ARB2A: variants seen among roughly 807,000 people sequenced by gnomAD.
ARB2A encodes the protein ARB2 cotranscriptional regulator A, also known as cotranscriptional regulator ARB2A.
At chr5:93,822,888 G>C in the ARB2A span, among the ~76,000 whole-genome samples, 1 of 152,102 alleles carries the variant, frequency 6.6e-6, no homozygotes, top group African/African-American at 2.4e-5. Flanking sequence ...GACAGCAGAA[G>C]CACTTGTAGA....
the ARB2A span, among the ~76,000 whole-genome samples, chr5:93,633,297 TCA>T: frequency 6.6e-6 from 1 of 152,220 alleles, no homozygotes; most frequent in African/African-American, 2.4e-5. Context: ...GATTTTACTT[TCA>T]GTCTTCAGTC....
chr5:94,008,265 A>C, the ARB2A span, among the ~76,000 whole-genome samples: 2 of 152,226 alleles, frequency 1.3e-5, no homozygotes, highest in Non-Finnish European at 2.9e-5. Context: ...AAAAAGGATT[A>C]ACATGTTTAA....
the ARB2A span, among the ~76,000 whole-genome samples, chr5:93,759,054 A>G: frequency 3.3e-5 from 5 of 152,132 alleles, no homozygotes; most frequent in Admixed American, 3.3e-4. Flanking sequence ...ACTAAGAAAC[A>G]AAACAGGAGA....
the ARB2A span, chr5:94,053,093 A>G: frequency 8.4e-7 from 1 of 1,187,532 alleles, no homozygotes; most frequent in Non-Finnish European, 1.2e-6. Context: ...AGATAGATAG[A>G]TAGATAGATA....
chr5:93,875,665 T>G, the ARB2A span, among the ~76,000 whole-genome samples: 1 of 152,172 alleles, frequency 6.6e-6, no homozygotes, highest in African/African-American at 2.4e-5. Context: ...AAGCTTTAAG[T>G]TGATGTAGAG....
chr5:93,830,327 A>ATTTATATG, the ARB2A span, among the ~76,000 whole-genome samples: 5 of 131,658 alleles, frequency 3.8e-5, no homozygotes, highest in Non-Finnish European at 8.1e-5. Context: ...ATATATATAT[A>ATTTATATG]TATATATATA....
At chr5:93,816,539 G>C in the ARB2A span, among the ~76,000 whole-genome samples, 16 of 152,304 alleles carry the variant, frequency 1.1e-4, no homozygotes, top group African/African-American at 3.6e-4. Context: ...TCAGGAGACA[G>C]AGTGACCAAT....
At chr5:93,830,846 T>C in the ARB2A span, among the ~76,000 whole-genome samples, 34 of 152,200 alleles carry the variant, frequency 2.2e-4, no homozygotes, top group Middle Eastern at 3.4e-3. Flanking sequence ...TATTGTAATA[T>C]ATAATGACAT....
the ARB2A span, among the ~76,000 whole-genome samples, chr5:93,690,956 A>G: frequency 6.6e-6 from 1 of 151,984 alleles, no homozygotes; most frequent in Non-Finnish European, 1.5e-5. Flanking sequence ...GGGGCCTGTT[A>G]GAACAAACAG....
At chr5:93,734,492 C>T in the ARB2A span, 1 of 152,114 alleles carries the variant, frequency 6.6e-6, no homozygotes, top group Non-Finnish European at 1.5e-5. Context: ...AGAAAATGCA[C>T]ATATGTACAA....
chr5:93,672,533 C>A, the ARB2A span, among the ~76,000 whole-genome samples: 1 of 152,070 alleles, frequency 6.6e-6, no homozygotes, highest in Non-Finnish European at 1.5e-5. Context: ...TGGTCTCAAT[C>A]TCCTGACCTT....
the ARB2A span, among the ~76,000 whole-genome samples, chr5:93,650,702 A>C: frequency 6.6e-6 from 1 of 152,110 alleles, no homozygotes; most frequent in Non-Finnish European, 1.5e-5. Context: ...AAGAAAATCC[A>C]CAACTAGGCT....
At chr5:93,740,889 C>T in the ARB2A span, 1 of 1,614,016 alleles carries the variant, frequency 6.2e-7, no homozygotes, top group South Asian at 1.1e-5. Context: ...AGAATTTCTC[C>T]AGGCTGTTTC....
the ARB2A span, chr5:93,804,915 C>A: frequency 1.1e-6 from 1 of 951,416 alleles, no homozygotes; most frequent in Non-Finnish European, 1.3e-6. Context: ...GTTTAAGTAA[C>A]CAGAGATATA....
the ARB2A span, among the ~76,000 whole-genome samples, chr5:93,975,981 T>C: frequency 6.6e-6 from 1 of 151,950 alleles, no homozygotes; most frequent in Non-Finnish European, 1.5e-5. Context: ...CAGAGACCAA[T>C]CAATCCTCAA....
chr5:94,048,003 C>A, the ARB2A span, among the ~76,000 whole-genome samples: 5 of 141,362 alleles, frequency 3.5e-5, no homozygotes, highest in Admixed American at 3.6e-4. Context: ...ATTCTATAAT[C>A]AAAATACCAC....
chr5:93,889,295 C>G, the ARB2A span, among the ~76,000 whole-genome samples: 2 of 151,646 alleles, frequency 1.3e-5, no homozygotes, highest in Admixed American at 6.6e-5. Flanking sequence ...TGCGTGTGTG[C>G]ATGTTGTGTT....
the ARB2A span, among the ~76,000 whole-genome samples, chr5:93,670,933 A>G: frequency 6.6e-6 from 1 of 152,322 alleles, no homozygotes; most frequent in South Asian, 2.1e-4. Flanking sequence ...GAATTTTTAT[A>G]AAGTATAAGA....
chr5:94,110,903 A>C, the ARB2A span, among the ~76,000 whole-genome samples: 4 of 152,194 alleles, frequency 2.6e-5, no homozygotes, highest in Admixed American at 1.3e-4. Context: ...TTGGCCCAAC[A>C]GATATAGACC....
Sources: gnomAD v4.1 joint callset for allele counts (sites outside exome capture counted in the v4.1 genomes callset) on GRCh38, gnomAD v4.1.1 for gene constraint, MANE v1.5 for transcripts, NCBI Gene and HGNC (gene_info 2026-07-23, HGNC 2026-07-21) for gene names.